The following SIGLEC14 variants were observed in gnomAD, a reference collection of about 807,000 sequenced individuals.
The protein encoded by SIGLEC14 is sialic acid-binding Ig-like lectin 14.
In SIGLEC14, 11 loss-of-function variants were observed where a neutral mutation model predicts 34.2. That is an observed-to-expected ratio of 0.32 (90% CI 0.20 to 0.53). The LOEUF is 0.53. Among genes scored for constraint, SIGLEC14 ranks in the 20% least tolerant of loss-of-function variants. The probability of loss-of-function intolerance (pLI) is 0.95; values close to 1 mark genes in which losing one functional copy is unlikely to be tolerated. For missense variants in SIGLEC14, 264 were observed against 439.0 expected (o/e 0.60, Z 3.56); for synonymous variants, 99 against 179.7 (o/e 0.55, Z 3.59).
chr19:51,645,344 T>G, intron 4 of SIGLEC14, 133 bp downstream of exon 4: 1 of 717,832 alleles, frequency 1.4e-6, no homozygotes, highest in Admixed American at 2.4e-5. Flanking sequence ...GTGACTGGGA[T>G]TGGGGGGTTG....
chr19:51,640,995 G>A lies in SIGLEC14; in HGVS notation c.*2360C>T, dbSNP rs913984807. Among the ~76,000 whole-genome samples the A allele has an allele frequency of 1.4e-5, 2 of 138,900 alleles. 1 individual carries two copies. Among genetic ancestry groups the A allele is most frequent in the Non-Finnish European group, 3.1e-5 (2 of 64,876 alleles). 91.1% of individuals were successfully genotyped at this position (138,900 alleles called of 152,430 possible). Reference sequence around the variant, plus strand: ...TGTCTCAAAAAAAAATTTTTTTTAAGTTGATTCTTTAAGAAGACATGAGAA... The same window carrying A: ...TGTCTCAAAAAAAAATTTTTTTTAAATTGATTCTTTAAGAAGACATGAGAA... On this transcript the variant is annotated 3_prime_UTR_variant, in exon 7 of 7. Transcript: ENST00000360844.
Position 51,643,084 on chromosome 19 carries a change from G to A in SIGLEC14, c.*271C>T, listed in dbSNP as rs150296754. The A allele has an allele frequency of 1.7e-3, 551 of 333,412 alleles. 57 individuals are homozygous for A. The highest frequency in any genetic ancestry group is 0.013 in the African/African-American group (446 of 35,470). 20.7% of individuals were successfully genotyped at this position (333,412 alleles called of 1,614,324 possible). A position where few individuals can be genotyped will look rare whatever the true frequency, so the allele number is the denominator to read the frequency against. On this transcript the variant is annotated 3_prime_UTR_variant, in exon 7 of 7. Transcript: ENST00000360844. ...TAATGGGTAATGGGGGTATAAGACC[G>A]AAAGTACATTCCCTTCACAGGGCTG...
chr19:51,643,704 C>A, intron 5 of SIGLEC14, 32 bp from the exon 6 acceptor site: 1 of 1,527,322 alleles, frequency 6.5e-7, no homozygotes, highest in Non-Finnish European at 8.8e-7. Context: ...GGTGCTGTTA[C>A]CAGGCCTCAG....
chr19:51,643,479 G>GGGGGGGGCC, intron 6 of SIGLEC14, 58 bp downstream of exon 6: 1 of 1,296,398 alleles, frequency 7.7e-7, no homozygotes, highest in South Asian at 1.4e-5. Context: ...CCTGGGGCAG[G>GGGGGGGGCC]ACAGCTCAGC....
rs558707722 is a variant in SIGLEC14, at chr19:51,643,743, G to C, written c.1012+36C>G. On this transcript the variant is annotated intron_variant, in intron 5 of 6. Coordinates refer to ENST00000360844, the MANE Select transcript of SIGLEC14 (RefSeq NM_001098612.3). Reference sequence around the variant, plus strand: ...CTCCCACCAACCTGAATACCTCACCGGGCTGTCTACCCTCAGCACCTGTCC... The same window carrying C: ...CTCCCACCAACCTGAATACCTCACCCGGCTGTCTACCCTCAGCACCTGTCC... The C allele has an allele frequency of 7.9e-6, 12 of 1,513,396 alleles. 4 individuals are homozygous for C. Among genetic ancestry groups the C allele is most frequent in the Non-Finnish European group, 1.1e-5 (12 of 1,130,046 alleles). 93.7% of individuals were successfully genotyped at this position (1,513,396 alleles called of 1,614,324 possible). A position where few individuals can be genotyped will look rare whatever the true frequency, so the allele number is the denominator to read the frequency against.
rs1351448633 is a variant in SIGLEC14, at chr19:51,640,963, G to A, written c.*2392C>T. The stretch of plus-strand genomic sequence containing the variant: ...GCACTCCAGCCTGGGCAAAAAGAGC[G>A]AAACTCTGTCTCAAAAAAAAATTTT... On this transcript the variant is annotated 3_prime_UTR_variant, in exon 7 of 7. Coordinates refer to ENST00000360844, the MANE Select transcript of SIGLEC14 (RefSeq NM_001098612.3). Among the ~76,000 whole-genome samples, 4 of 138,824 alleles carry A rather than the reference G, an allele frequency of 2.9e-5. 1 individual carries two copies. The highest frequency in any genetic ancestry group is 2.4e-4 in the South Asian group (1 of 4,126). The allele number at this position is 138,824 out of a possible 152,430, so 91.1% of individuals were successfully genotyped here. A position where few individuals can be genotyped will look rare whatever the true frequency, so the allele number is the denominator to read the frequency against.
chr19:51,642,842 A>C lies in SIGLEC14; in HGVS notation c.*513T>G. 7.3e-6 allele frequency: 1 copy of C among 137,470 alleles called. No individual in the cohort carries two copies. Among genetic ancestry groups the C allele is most frequent in the African/African-American group, 3.0e-5 (1 of 32,994 alleles). 8.5% of individuals were successfully genotyped at this position (137,470 alleles called of 1,614,324 possible). ...TTCGAGACCTGGCCAACATGGTAAAACCCCATCTCTACTAACATACAAAAA... is the reference window on the plus strand; with the variant it reads ...TTCGAGACCTGGCCAACATGGTAAACCCCCATCTCTACTAACATACAAAAA... On this transcript the variant is annotated 3_prime_UTR_variant, in exon 7 of 7. Transcript: ENST00000360844.
At position 51,639,691 on chromosome 19, in the gene SIGLEC14, G is replaced by A. The variant is rs909196253; in HGVS notation, c.*3664C>T. 3 of 138,844 alleles carry A rather than the reference G, an allele frequency of 2.2e-5. 1 individual carries two copies. The highest frequency in any genetic ancestry group is 8.2e-5 in the African/African-American group (3 of 36,596). 8.6% of individuals were successfully genotyped at this position (138,844 alleles called of 1,614,324 possible). Reference sequence around the variant, plus strand: ...CATTCATGAAGGATGGCACCATTATGGGTTAATCACTTTCCAAAAAGCCCC... The same window carrying A: ...CATTCATGAAGGATGGCACCATTATAGGTTAATCACTTTCCAAAAAGCCCC... On this transcript the variant is annotated 3_prime_UTR_variant, in exon 7 of 7. Transcript: ENST00000360844.
At position 51,645,321 on chromosome 19, in the gene SIGLEC14, G is replaced by C. The variant is rs374178644; in HGVS notation, c.754+156C>G. Among the ~76,000 whole-genome samples, 28 of 138,972 alleles carry C rather than the reference G, an allele frequency of 2.0e-4. 12 individuals carry two copies. The highest frequency in any genetic ancestry group is 1.4e-3 in the Admixed American group (21 of 14,500). 91.2% of individuals were successfully genotyped at this position (138,972 alleles called of 152,430 possible). A position where few individuals can be genotyped will look rare whatever the true frequency, so the allele number is the denominator to read the frequency against. Reference sequence around the variant, plus strand: ...GCCAAAAGAAATACTAGGTCTGTTCGTGCAAGATCTTAGTGACTGGGATTG... The same window carrying C: ...GCCAAAAGAAATACTAGGTCTGTTCCTGCAAGATCTTAGTGACTGGGATTG... On this transcript the variant is annotated intron_variant, in intron 4 of 6. Coordinates refer to ENST00000360844, the MANE Select transcript of SIGLEC14 (RefSeq NM_001098612.3).
rs1568598668 is a variant in SIGLEC14, at chr19:51,643,891, C to T, written c.900G>A (p.Met300Ile). The T allele has an allele frequency of 6.5e-7, 1 of 1,534,066 alleles. No individual in the cohort carries two copies. The highest frequency in any genetic ancestry group is 8.8e-7 in the Non-Finnish European group (1 of 1,141,646). The part of the protein sequence containing the change: ...GKALNPSQTS[M>I]SGTLELPNIG... Reference sequence around the variant, plus strand: ...TGTTAGGCAGCTCCAGGGTCCCAGACATTGAGGTCTGGGAAGGATTGAGGG... The same window carrying T: ...TGTTAGGCAGCTCCAGGGTCCCAGATATTGAGGTCTGGGAAGGATTGAGGG... Residue 300 changes from methionine (M) to isoleucine (I), a missense_variant, in exon 5 of 7, where the codon ATG (methionine) becomes ATA (isoleucine). Transcript: ENST00000360844.
rs889283840 is a variant in SIGLEC14 at position 51,640,704 on chromosome 19, G to A, written c.*2651C>T. 7.2e-6 allele frequency among the ~76,000 whole-genome samples: 1 copy of A among 139,840 alleles called. No individual in the cohort carries two copies. Among genetic ancestry groups the A allele is most frequent in the Non-Finnish European group, 1.5e-5 (1 of 65,122 alleles). 91.7% of individuals were successfully genotyped at this position (139,840 alleles called of 152,430 possible). ...AAAACAGTTGATTCAGCCAACTGCGGTGGCTCACGCCTATAATCCCAGCAC... is the reference window on the plus strand; with the variant it reads ...AAAACAGTTGATTCAGCCAACTGCGATGGCTCACGCCTATAATCCCAGCAC... On this transcript the variant is annotated 3_prime_UTR_variant, in exon 7 of 7. Coordinates refer to ENST00000360844, the MANE Select transcript of SIGLEC14 (RefSeq NM_001098612.3).
rs1470696425 is a variant in SIGLEC14, at chr19:51,643,320, G to A, written c.*35C>T. On this transcript the variant is annotated 3_prime_UTR_variant, in exon 7 of 7. Transcript: ENST00000360844. ...CTGCATGTGTCCCACAGGGCTAAGT[G>A]TCCACACCTCAGTTCTGTCTTGAGC... is the stretch of plus-strand genomic sequence containing the variant. 1.3e-6 allele frequency: 2 copies of A among 1,511,728 alleles called. No homozygotes were observed. The highest frequency in any genetic ancestry group is 1.2e-5 in the South Asian group (1 of 82,676). 93.6% of individuals were successfully genotyped at this position (1,511,728 alleles called of 1,614,324 possible).
At chr19:51,643,488 G>GCCCCCCCCCC in intron 6 of SIGLEC14, 49 bp downstream of exon 6, 7 of 1,290,056 alleles carry the variant, frequency 5.4e-6, no homozygotes, top group African/African-American at 3.6e-5. Flanking sequence ...GGACAGCTCA[G>GCCCCCCCCCC]CCCCACCTGG....
Position 51,641,351 on chromosome 19 carries a change from A to G in SIGLEC14, c.*2004T>C, listed in dbSNP as rs1196187936. 2.9e-5 allele frequency among the ~76,000 whole-genome samples: 4 copies of G among 139,838 alleles called. 1 individual carries two copies. Among genetic ancestry groups the G allele is most frequent in the Non-Finnish European group, 6.1e-5 (4 of 65,152 alleles). The allele number at this position is 139,838 out of a possible 152,430, so 91.7% of individuals were successfully genotyped here. A position where few individuals can be genotyped will look rare whatever the true frequency, so the allele number is the denominator to read the frequency against. On this transcript the variant is annotated 3_prime_UTR_variant, in exon 7 of 7. Transcript: ENST00000360844. ...GACTCTCACGGTTGGTGAAAGTGAA[A>G]GTTAGTTCAGCCATTGTGGAAGACA...
chr19:51,643,315 T>C lies in SIGLEC14; in HGVS notation c.*40A>G. ...ATGTCCTGCATGTGTCCCACAGGGC[T>C]AAGTGTCCACACCTCAGTTCTGTCT... On this transcript the variant is annotated 3_prime_UTR_variant, in exon 7 of 7. Transcript: ENST00000360844. 1 of 1,500,168 alleles carries C rather than the reference T, an allele frequency of 6.7e-7. No homozygotes were observed. Among genetic ancestry groups the C allele is most frequent in the South Asian group, 1.2e-5 (1 of 82,352 alleles). The allele number at this position is 1,500,168 out of a possible 1,614,324, so 92.9% of individuals were successfully genotyped here.
In SIGLEC14 at chr19:51,643,148, G is replaced by C; in HGVS notation, c.*207C>G. 1 of 512,930 alleles carries C rather than the reference G, an allele frequency of 1.9e-6. No homozygotes were observed. The allele number at this position is 512,930 out of a possible 1,614,324, so 31.8% of individuals were successfully genotyped here. On this transcript the variant is annotated 3_prime_UTR_variant, in exon 7 of 7. Transcript: ENST00000360844. ...GAGAGGGAAGAGAAGGGCAGGTGGAGAGGGGATGGGGTGCAGATGGGGATG... is the reference window on the plus strand; with the variant it reads ...GAGAGGGAAGAGAAGGGCAGGTGGACAGGGGATGGGGTGCAGATGGGGATG...
At position 51,645,952 on chromosome 19, in the gene SIGLEC14, G is replaced by A. The variant is rs1345218485; in HGVS notation, c.530C>T (p.Thr177Ile). Reference protein sequence around the residue: ...PGSCEAGPPLTFSWTGNALSP... With the variant: ...PGSCEAGPPLIFSWTGNALSP... ...GAGGGCATTCCCCGTCCAGGAGAAT[G>A]TGAGAGGTGGTCCCGCTTCACAGGA... Residue 177 changes from threonine to isoleucine, a missense_variant, in exon 3 of 7, where the codon ACA becomes ATA. Around this residue, in one of 5 missense-constraint regions of SIGLEC14, gnomAD observed 45 missense variants for 96.7 expected, o/e 0.47. Transcript: ENST00000360844. 7 of 1,439,616 alleles carry A rather than the reference G, an allele frequency of 4.9e-6. 2 individuals are homozygous for A. The highest frequency in any genetic ancestry group is 6.5e-6 in the Non-Finnish European group (7 of 1,082,422). The allele number at this position is 1,439,616 out of a possible 1,614,324, so 89.2% of individuals were successfully genotyped here. A position where few individuals can be genotyped will look rare whatever the true frequency, so the allele number is the denominator to read the frequency against.
At position 51,640,538 on chromosome 19, in the gene SIGLEC14, A is replaced by G. The variant is rs1320023965; in HGVS notation, c.*2817T>C. Among the ~76,000 whole-genome samples the G allele has an allele frequency of 2.9e-5, 4 of 139,398 alleles. 1 individual carries two copies. The highest frequency in any genetic ancestry group is 8.2e-5 in the African/African-American group (3 of 36,752). The allele number at this position is 139,398 out of a possible 152,430, so 91.5% of individuals were successfully genotyped here. ...TTTCCATTTCAAATATAATGAGGTGAGGCTAGGACTTAAAGGATGTGAAAA... is the reference window on the plus strand; with the variant it reads ...TTTCCATTTCAAATATAATGAGGTGGGGCTAGGACTTAAAGGATGTGAAAA... On this transcript the variant is annotated 3_prime_UTR_variant, in exon 7 of 7. Coordinates refer to ENST00000360844, the MANE Select transcript of SIGLEC14 (RefSeq NM_001098612.3).
rs377524403 is a variant in SIGLEC14, at chr19:51,643,831, C to T, written c.960G>A (p.Arg320=). 6.5e-7 allele frequency: 1 copy of T among 1,530,316 alleles called. No individual in the cohort carries two copies. The highest frequency in any genetic ancestry group is 1.2e-5 in the South Asian group (1 of 82,990). 94.8% of individuals were successfully genotyped at this position (1,530,316 alleles called of 1,614,324 possible). A position where few individuals can be genotyped will look rare whatever the true frequency, so the allele number is the denominator to read the frequency against. The part of the protein sequence containing the change: ...GAREGGEFTC[R]VQHPLGSQHL... ...GCTGGGAGCCCAGCGGATGCTGAAC[C>T]CGGCAGGTGAATTCCCCTCCCTCTC... is the stretch of plus-strand genomic sequence containing the variant. Residue 320 remains arginine (R), a synonymous_variant, in exon 5 of 7, where the codon CGG becomes CGA. Coordinates refer to ENST00000360844, the MANE Select transcript of SIGLEC14 (RefSeq NM_001098612.3).
Sources: gnomAD v4.1 joint callset for allele counts (sites outside exome capture counted in the v4.1 genomes callset) on GRCh38, gnomAD v4.1.1 for gene constraint, gnomAD v4.1.1 regional missense constraint, MANE v1.5 for transcripts, NCBI Gene and HGNC (gene_info 2026-07-23, HGNC 2026-07-21) for gene names.